The following RAP1GAP2 variants were observed in gnomAD, a reference collection of about 807,000 sequenced individuals.
The protein encoded by RAP1GAP2 is RAP1 GTPase activating protein 2.
A neutral mutation model predicts 95.0 loss-of-function variants in RAP1GAP2; 27 were observed. The ratio of observed to expected loss-of-function variants is 0.28; its 90% CI spans 0.21 to 0.39. The LOEUF (loss-of-function observed/expected upper bound fraction) is 0.39, where lower values mean the gene tolerates loss of function less well. Among genes scored for constraint, RAP1GAP2 ranks in the 10% least tolerant of loss-of-function variants. The pLI is 1.00. For synonymous variants in RAP1GAP2, 373 were observed against 380.9 expected (o/e 0.98, Z 0.24); for missense variants, 771 against 970.0 (o/e 0.79, Z 2.72).
intron 2 of RAP1GAP2, among the ~76,000 whole-genome samples, chr17:2,832,383 C>A (rs1194127169): frequency 6.6e-6 from 1 of 150,560 alleles, no homozygotes; most frequent in East Asian, 2.0e-4. Context: ...ACGGTGAAAC[C>A]CCATCTCTAC....
chr17:2,890,760 C>T (rs1416040325), intron 2 of RAP1GAP2, among the ~76,000 whole-genome samples: 1 of 151,280 alleles, frequency 6.6e-6, no homozygotes, highest in African/African-American at 2.4e-5. Context: ...TCTTGGCTCA[C>T]TGCAAGCTCC....
intron 1 of RAP1GAP2, among the ~76,000 whole-genome samples, chr17:2,777,866 G>A (rs146681455): frequency 0.01 from 1,580 of 152,166 alleles, 14 homozygotes; most frequent in Non-Finnish European, 0.014. Flanking sequence ...AGCCCTATAC[G>A]CCTCAGTTTC....
chr17:2,882,494 G>T (rs914702005), intron 2 of RAP1GAP2, among the ~76,000 whole-genome samples: 1 of 151,704 alleles, frequency 6.6e-6, no homozygotes, highest in African/African-American at 2.4e-5. Context: ...GTTTCGCCAC[G>T]TTGGCCAGGC....
chr17:2,875,952 T>TC (rs1009916243), intron 2 of RAP1GAP2, among the ~76,000 whole-genome samples: 37 of 151,654 alleles, frequency 2.4e-4, no homozygotes, highest in Admixed American at 2.2e-3. Flanking sequence ...TTGTTTTTTT[T>TC]TTTGAGATGG....
At chr17:2,887,767 C>T (rs11650684) in intron 2 of RAP1GAP2, among the ~76,000 whole-genome samples, 22,265 of 149,786 alleles carry the variant, frequency 0.15, 1,785 homozygotes, top group Non-Finnish European at 0.19. Flanking sequence ...CTATGCCTCC[C>T]GGGTTCAAGC....
At chr17:2,934,032 G>T (rs2043232421) in intron 3 of RAP1GAP2, among the ~76,000 whole-genome samples, 2 of 152,270 alleles carry the variant, frequency 1.3e-5, no homozygotes, top group South Asian at 4.1e-4. Context: ...AATACCCACA[G>T]GGTCACCCGT....
In RAP1GAP2 at chr17:2,859,722, C is replaced by T. The variant is rs2157869; in HGVS notation, c.81-45562C>T. On this transcript the variant is annotated intron_variant, in intron 2 of 24. Transcript: ENST00000254695. The stretch of plus-strand genomic sequence containing the variant: ...ATGTGTTGGGATTATAGGTGTGAGC[C>T]GCTGTGCATGGCCCACCCAACTCTT... 0.012 allele frequency among the ~76,000 whole-genome samples: 1,791 copies of T among 152,240 alleles called. 90 individuals carry two copies. The East Asian group carries it at 0.14, about 12-fold the overall frequency.
intron 1 of RAP1GAP2, among the ~76,000 whole-genome samples, chr17:2,757,873 A>AT (rs201212119): frequency 0.14 from 19,930 of 144,822 alleles, 1,396 homozygotes; most frequent in African/African-American, 0.17. Context: ...TGATGCCTGA[A>AT]TTTTTTTTTT....
At chr17:2,785,401 G>GA (rs11419211) in intron 1 of RAP1GAP2, among the ~76,000 whole-genome samples, 29,788 of 141,976 alleles carry the variant, frequency 0.21, 3,548 homozygotes, top group East Asian at 0.47. Flanking sequence ...CAAAAAGTTG[G>GA]AAAAAAAAAA....
chr17:2,988,545 A>G (rs1035909074), intron 11 of RAP1GAP2, among the ~76,000 whole-genome samples: 6 of 152,210 alleles, frequency 3.9e-5, no homozygotes, highest in African/African-American at 1.4e-4. Flanking sequence ...GTGTATCAAT[A>G]CTGTGTTCTT....
At chr17:2,918,392 C>T (rs989428428) in intron 3 of RAP1GAP2, among the ~76,000 whole-genome samples, 10 of 141,962 alleles carry the variant, frequency 7.0e-5, no homozygotes, top group African/African-American at 2.6e-4. Flanking sequence ...GACATCGTGC[C>T]ACTACACTCC....
intron 2 of RAP1GAP2, among the ~76,000 whole-genome samples, chr17:2,823,774 C>T (rs1466160218): frequency 1.3e-5 from 2 of 152,122 alleles, no homozygotes; most frequent in Non-Finnish European, 2.9e-5. Flanking sequence ...GGGTGCAGAG[C>T]AATTGTGGAG....
rs1305959842 is a variant in RAP1GAP2, at chr17:2,902,270, G to A, written c.81-3014G>A. ...CTTGCTCTGTCACCCGAGCTGGAGT[G>A]CAGTGGCACGATCTCAGCTCACTGC... On this transcript the variant is annotated intron_variant, in intron 2 of 24. Coordinates refer to ENST00000254695, the MANE Select transcript of RAP1GAP2 (RefSeq NM_015085.5). The surrounding 1 kb of genome is among the most constrained non-coding windows in gnomAD (Gnocchi z 4.1). Among the ~76,000 whole-genome samples, 3 of 151,500 alleles carry A rather than the reference G, an allele frequency of 2.0e-5. No homozygotes were observed. Among genetic ancestry groups the A allele is most frequent in the Admixed American group, 6.6e-5 (1 of 15,234 alleles).
At chr17:2,836,589 G>A (rs1457180803) in intron 2 of RAP1GAP2, among the ~76,000 whole-genome samples, 2 of 152,022 alleles carry the variant, frequency 1.3e-5, no homozygotes, top group African/African-American at 4.8e-5. Flanking sequence ...CTGAGATCAC[G>A]TCACTGCACT....
intron 4 of RAP1GAP2, among the ~76,000 whole-genome samples, chr17:2,958,892 C>T (rs189211651): frequency 1.0e-3 from 157 of 152,128 alleles, no homozygotes; most frequent in Middle Eastern, 3.4e-3. Flanking sequence ...TTGTTACTGC[C>T]GTGTCACCGA....
chr17:2,931,882 G>C, intron 3 of RAP1GAP2, among the ~76,000 whole-genome samples: 1 of 152,096 alleles, frequency 6.6e-6, no homozygotes, highest in East Asian at 1.9e-4. Context: ...GCTGAGTTGG[G>C]GTTATGGAGA....
Position 2,962,479 on chromosome 17 carries a change from G to A in RAP1GAP2, c.202-191G>A, listed in dbSNP as rs544706382. The A allele has an allele frequency of 1.1e-3, 655 of 576,136 alleles. 4 individuals are homozygous for A. Among genetic ancestry groups the A allele is most frequent in the Non-Finnish European group, 1.1e-3 (356 of 335,596 alleles). 35.7% of individuals were successfully genotyped at this position (576,136 alleles called of 1,614,324 possible). A position where few individuals can be genotyped will look rare whatever the true frequency, so the allele number is the denominator to read the frequency against. On this transcript the variant is annotated intron_variant, in intron 4 of 24. Coordinates refer to ENST00000254695, the MANE Select transcript of RAP1GAP2 (RefSeq NM_015085.5). Reference sequence around the variant, plus strand: ...GGCTCAAGTCTATGCTGTTAGCCCAGCGGCGCTGTTGCCTCACCTGAGGCT... The same window carrying A: ...GGCTCAAGTCTATGCTGTTAGCCCAACGGCGCTGTTGCCTCACCTGAGGCT...
chr17:2,958,373 C>T (rs1024374819), intron 4 of RAP1GAP2, among the ~76,000 whole-genome samples: 3 of 152,034 alleles, frequency 2.0e-5, no homozygotes, highest in African/African-American at 4.8e-5. Flanking sequence ...GGGGGTTCTT[C>T]GTTGTTCCTC....
intron 17 of RAP1GAP2, among the ~76,000 whole-genome samples, chr17:3,014,674 C>T (rs566450268): frequency 3.0e-4 from 45 of 151,874 alleles, no homozygotes; most frequent in Non-Finnish European, 5.6e-4. Flanking sequence ...CTCAGCCTGC[C>T]GAGTAGCTGG....
Sources: gnomAD v4.1 joint callset for allele counts (sites outside exome capture counted in the v4.1 genomes callset) on GRCh38, gnomAD v4.1.1 for gene constraint, Gnocchi (gnomAD v3.1) non-coding constraint, MANE v1.5 for transcripts, NCBI Gene and HGNC (gene_info 2026-07-23, HGNC 2026-07-21) for gene names.